ATXN7: variants seen among roughly 807,000 people sequenced by gnomAD.
The protein encoded by ATXN7 is ataxin-7.
Under a neutral mutation model 70.5 loss-of-function variants are expected in ATXN7, and 12 were observed. The observed-to-expected ratio is 0.17, with a 90% CI of 0.11 to 0.28. ATXN7 has a LOEUF of 0.28. Among genes scored for constraint, ATXN7 ranks in the 10% least tolerant of loss-of-function variants. The pLI is 1.00. For synonymous variants in ATXN7, 498 were observed against 448.7 expected (o/e 1.11, Z -1.39); for missense variants, 1,256 against 1,131.7 (o/e 1.11, Z -1.58).
chr3:63,989,455 A>G (rs2075632150), intron 9 of ATXN7, among the ~76,000 whole-genome samples: 7 of 152,144 alleles, frequency 4.6e-5, no homozygotes, highest in Admixed American at 3.9e-4. Context: ...TTTGCAAATT[A>G]CAGTCAGCCC....
At chr3:63,932,908 A>G (rs568188995) in intron 4 of ATXN7, among the ~76,000 whole-genome samples, 55 of 152,252 alleles carry the variant, frequency 3.6e-4, no homozygotes, top group African/African-American at 1.3e-3. Context: ...TTATTCAACT[A>G]CCACCTAGTT....
At chr3:63,906,989 C>T (rs1703859966) in intron 2 of ATXN7, among the ~76,000 whole-genome samples, 1 of 152,202 alleles carries the variant, frequency 6.6e-6, no homozygotes, top group Non-Finnish European at 1.5e-5. Context: ...ACTAACATGG[C>T]TAAAGCCATA....
At chr3:63,916,789 C>G (rs1704285079) in intron 4 of ATXN7, among the ~76,000 whole-genome samples, 1 of 152,132 alleles carries the variant, frequency 6.6e-6, no homozygotes, top group African/African-American at 2.4e-5. Flanking sequence ...AGAGGTCAAC[C>G]TAGTTTTGTT....
chr3:63,871,360 GGTTTCCTTCTT>G (rs1298337095), intron 1 of ATXN7, among the ~76,000 whole-genome samples: 1 of 151,994 alleles, frequency 6.6e-6, no homozygotes, highest in East Asian at 1.9e-4. Context: ...AGCATTTAAG[GGTTTCCTTCTT>G]GTTAAAAAAA....
At chr3:63,908,150 T>C (rs1455375518) in intron 2 of ATXN7, among the ~76,000 whole-genome samples, 1 of 152,236 alleles carries the variant, frequency 6.6e-6, no homozygotes, top group Non-Finnish European at 1.5e-5. Flanking sequence ...TCCTCACTCT[T>C]GCAACTTTCC....
chr3:63,936,551 G>A (rs964244729), intron 4 of ATXN7, among the ~76,000 whole-genome samples: 1 of 152,152 alleles, frequency 6.6e-6, no homozygotes, highest in African/African-American at 2.4e-5. Context: ...AGAGACTGTC[G>A]TGTTTACCTT....
At chr3:63,906,203 G>A (rs183169215) in intron 2 of ATXN7, among the ~76,000 whole-genome samples, 241 of 152,328 alleles carry the variant, frequency 1.6e-3, no homozygotes, top group Middle Eastern at 6.8e-3. Context: ...TGTCTTTTGA[G>A]AAGCAGTACA....
intron 5 of ATXN7, among the ~76,000 whole-genome samples, chr3:63,960,929 T>A (rs530528306): frequency 8.0e-4 from 121 of 152,012 alleles, no homozygotes; most frequent in African/African-American, 2.9e-3. Flanking sequence ...AGATACTGTG[T>A]GCACTTTCCT....
chr3:63,917,531 T>C (rs1210029024), intron 4 of ATXN7, among the ~76,000 whole-genome samples: 2 of 152,162 alleles, frequency 1.3e-5, no homozygotes, highest in Non-Finnish European at 1.5e-5. Flanking sequence ...GAGTCAACAA[T>C]GGTATTGGGA....
At chr3:63,887,958 T>C (rs1369429036) in intron 1 of ATXN7, among the ~76,000 whole-genome samples, 3 of 152,074 alleles carry the variant, frequency 2.0e-5, no homozygotes, top group African/African-American at 4.8e-5. Context: ...TTTTATTTTT[T>C]ACATATTGTG....
At chr3:63,959,284 C>CA (rs558650113) in intron 5 of ATXN7, among the ~76,000 whole-genome samples, 13 of 150,834 alleles carry the variant, frequency 8.6e-5, no homozygotes, top group Non-Finnish European at 1.5e-4. Context: ...TGTTGCAGAG[C>CA]AAAAAAAAAT....
At chr3:63,922,988 A>G (rs1294283711) in intron 4 of ATXN7, among the ~76,000 whole-genome samples, 1 of 152,212 alleles carries the variant, frequency 6.6e-6, no homozygotes, top group African/African-American at 2.4e-5. Context: ...ACACCTATGT[A>G]ACTACTTTGG....
At chr3:63,974,455 A>G (rs1009767222) in intron 5 of ATXN7, among the ~76,000 whole-genome samples, 3 of 152,188 alleles carry the variant, frequency 2.0e-5, no homozygotes, top group Admixed American at 6.5e-5. Flanking sequence ...TAATAATGCC[A>G]TTTCAGAGCA....
Position 63,896,859 on chromosome 3 carries a change from A to G in ATXN7, c.-110-1540A>G, listed in dbSNP as rs138420517. Among the ~76,000 whole-genome samples the G allele has an allele frequency of 1.7e-3, 258 of 152,320 alleles. 3 individuals carry two copies. Among genetic ancestry groups the G allele is most frequent in the East Asian group, 3.1e-3 (16 of 5,182 alleles). On this transcript the variant is annotated intron_variant, in intron 1 of 12. Coordinates refer to ENST00000674280, the MANE Select transcript of ATXN7 (RefSeq NM_001377405.1). Reference sequence around the variant, plus strand: ...ACTATCCTGAAGGAGATTTCATAGTATTCTGAATCTGATGACTTCCTTGGA... The same window carrying G: ...ACTATCCTGAAGGAGATTTCATAGTGTTCTGAATCTGATGACTTCCTTGGA...
chr3:63,977,509 A>T (rs974523412), intron 5 of ATXN7, among the ~76,000 whole-genome samples: 7 of 152,204 alleles, frequency 4.6e-5, no homozygotes, highest in African/African-American at 7.2e-5. Flanking sequence ...CAGGGGGTAC[A>T]CAAGGTGATT....
rs59256288 is a variant in ATXN7 at position 63,952,835 on chromosome 3, C to CTTTT, written c.499+380_499+383dup. 2.4e-3 allele frequency among the ~76,000 whole-genome samples: 116 copies of CTTTT among 49,154 alleles called. 19 individuals are homozygous for CTTTT. Among genetic ancestry groups the CTTTT allele is most frequent in the East Asian group, 6.7e-3 (11 of 1,646 alleles). The allele number at this position is 49,154 out of a possible 152,430, so 32.2% of individuals were successfully genotyped here. On this transcript the variant is annotated intron_variant, in intron 5 of 12. Transcript: ENST00000674280. ...ACACTCACAATATGGATGCATGGGC[C>CTTTT]TTTTTTTTTTTTTTTTTTTTTTTTT...
chr3:63,871,249 T>G (rs549488529), intron 1 of ATXN7, among the ~76,000 whole-genome samples: 4 of 152,202 alleles, frequency 2.6e-5, no homozygotes, highest in Non-Finnish European at 4.4e-5. Context: ...AAATACAGTA[T>G]AAGAGGCATG....
intron 5 of ATXN7, among the ~76,000 whole-genome samples, chr3:63,960,584 C>T (rs1187843949): frequency 2.0e-5 from 3 of 151,936 alleles, no homozygotes; most frequent in South Asian, 2.1e-4. Context: ...AAATCTGCAT[C>T]GGAAATATAA....
At position 63,912,675 on chromosome 3, in the gene ATXN7, C is replaced by G. The variant is rs1021062254; in HGVS notation, c.77C>G (p.Ala26Gly). ...GCGGCGGCGGGCGGAGCAGCGGCCG[C>G]GGCCGCCCGGCAGCAGCAGCAGCAG... The part of the protein sequence containing the change: ...AAAAAGGAAA[A>G]AARQQQQQQQ... The change falls in exon 3 of 13, where the codon GCG becomes GGG. Residue 26 changes from alanine to glycine, a missense_variant. Coordinates refer to ENST00000674280, the MANE Select transcript of ATXN7 (RefSeq NM_001377405.1). 4.9e-5 allele frequency: 51 copies of G among 1,050,778 alleles called. No homozygotes were observed. The highest frequency in any genetic ancestry group is 5.9e-5 in the Non-Finnish European group (51 of 867,268). The allele number at this position is 1,050,778 out of a possible 1,614,324, so 65.1% of individuals were successfully genotyped here. A position where few individuals can be genotyped will look rare whatever the true frequency, so the allele number is the denominator to read the frequency against.
Sources: gnomAD v4.1 joint callset for allele counts (sites outside exome capture counted in the v4.1 genomes callset) on GRCh38, gnomAD v4.1.1 for gene constraint, MANE v1.5 for transcripts, NCBI Gene and HGNC (gene_info 2026-07-23, HGNC 2026-07-21) for gene names.